Variants in ZNF503 observed in about 807,000 individuals in gnomAD.
ZNF503 encodes NocA-like zinc finger 2.
ZNF503 carries 15 observed loss-of-function variants against 34.4 expected under a neutral mutation model. The ratio of observed to expected loss-of-function variants is 0.44; its 90% CI spans 0.29 to 0.67. The LOEUF is 0.67. Ranked by LOEUF, ZNF503 falls within the 30% of genes least tolerant of loss-of-function variation. The pLI is 0.13. For synonymous variants in ZNF503, 580 were observed against 456.8 expected (o/e 1.27, Z -3.44); for missense variants, 1,007 against 926.8 (o/e 1.09, Z -1.12).
chr10:75,337,622 AG>A, the ZNF503 span, among the ~76,000 whole-genome samples: 91 of 150,750 alleles, frequency 6.0e-4, no homozygotes, highest in South Asian at 6.3e-4. Context: ...CGTCTCCAAA[AG>A]AAAAAAAAAT....
chr10:75,338,254 T>C, the ZNF503 span: 1 of 152,220 alleles, frequency 6.6e-6, no homozygotes, highest in African/African-American at 2.4e-5. Flanking sequence ...CTGCCCTCTT[T>C]CCCTCACTCT....
the ZNF503 span, among the ~76,000 whole-genome samples, chr10:75,368,147 G>A: frequency 2.6e-5 from 4 of 152,164 alleles, no homozygotes; most frequent in African/African-American, 9.7e-5. Flanking sequence ...GCTACCCACT[G>A]CCCTATCTAG....
At chr10:75,324,320 G>T in the ZNF503 span, among the ~76,000 whole-genome samples, 3 of 107,258 alleles carry the variant, frequency 2.8e-5, no homozygotes, top group East Asian at 2.5e-4. Context: ...TTGTTTGTTT[G>T]TTTTTCTGTT....
the ZNF503 span, among the ~76,000 whole-genome samples, chr10:75,373,090 C>T: frequency 2.6e-5 from 4 of 152,244 alleles, no homozygotes; most frequent in South Asian, 2.1e-4. Flanking sequence ...GCACAAGCTC[C>T]GCCCCTCTTC....
At chr10:75,310,987 A>G in the ZNF503 span, among the ~76,000 whole-genome samples, 1 of 152,236 alleles carries the variant, frequency 6.6e-6, no homozygotes, top group South Asian at 2.1e-4. Flanking sequence ...TAAAAAGACA[A>G]TTGTTTTAGC....
At chr10:75,289,673 C>A in the ZNF503 span, among the ~76,000 whole-genome samples, 1 of 152,072 alleles carries the variant, frequency 6.6e-6, no homozygotes, top group Admixed American at 6.5e-5. Context: ...GCAACCTCCG[C>A]CTCCCGAGTT....
chr10:75,349,059 T>A, the ZNF503 span, among the ~76,000 whole-genome samples: 1 of 152,190 alleles, frequency 6.6e-6, no homozygotes, highest in African/African-American at 2.4e-5. Context: ...TATGACACCT[T>A]ATTTCTAAAT....
the ZNF503 span, among the ~76,000 whole-genome samples, chr10:75,370,597 G>C: frequency 6.6e-6 from 1 of 151,828 alleles, no homozygotes; most frequent in Admixed American, 6.6e-5. Context: ...TGACCAACAT[G>C]GTGAAACCCT....
chr10:75,363,607 T>C, the ZNF503 span, among the ~76,000 whole-genome samples: 2 of 152,238 alleles, frequency 1.3e-5, no homozygotes, highest in African/African-American at 4.8e-5. Flanking sequence ...CCCAGGTCGC[T>C]GTGTACTCCA....
At chr10:75,292,271 A>G in the ZNF503 span, among the ~76,000 whole-genome samples, 1 of 152,232 alleles carries the variant, frequency 6.6e-6, no homozygotes, top group Non-Finnish European at 1.5e-5. Context: ...CTAAATTGAC[A>G]TGTTCCCTGA....
Position 75,401,357 on chromosome 10 carries a change from G to T in ZNF503, c.63C>A (p.Gly21=). 1 of 1,489,792 alleles carries T rather than the reference G, an allele frequency of 6.7e-7. No individual in the cohort carries two copies. The highest frequency in any genetic ancestry group is 9.0e-7 in the Non-Finnish European group (1 of 1,116,322). 92.3% of individuals were successfully genotyped at this position (1,489,792 alleles called of 1,614,324 possible). A position where few individuals can be genotyped will look rare whatever the true frequency, so the allele number is the denominator to read the frequency against. The part of the protein sequence containing the change: ...RSSKHSGGGG[G]GGGGGGADPA... ...GGTCTGCACCGCCGCCTCCGCCTCC[G>T]CCGCCGCCGCCGCCGCTGTGCTTAC... Residue 21 remains glycine, a synonymous_variant, in exon 1 of 2, where the codon GGC becomes GGA. Coordinates refer to ENST00000372524, the MANE Select transcript of ZNF503 (RefSeq NM_032772.6).
At chr10:75,295,540 T>G in the ZNF503 span, 1 of 152,208 alleles carries the variant, frequency 6.6e-6, no homozygotes, top group Non-Finnish European at 1.5e-5. This position sits in a 1 kb window ranked among gnomAD's most constrained non-coding sequence, Gnocchi z 4.0. Flanking sequence ...AGAAAAATGA[T>G]GTGCCGAACT....
chr10:75,352,576 A>G, the ZNF503 span, among the ~76,000 whole-genome samples: 1 of 152,190 alleles, frequency 6.6e-6, no homozygotes, highest in African/African-American at 2.4e-5. Context: ...TTCCCTATGT[A>G]TGAATGCGTG....
chr10:75,378,788 T>C, the ZNF503 span, among the ~76,000 whole-genome samples: 2 of 152,078 alleles, frequency 1.3e-5, no homozygotes, highest in Non-Finnish European at 2.9e-5. Context: ...GCTGAGTTGA[T>C]GGGGTGGACA....
the ZNF503 span, among the ~76,000 whole-genome samples, chr10:75,386,561 TG>T: frequency 6.6e-6 from 1 of 152,216 alleles, no homozygotes; most frequent in Non-Finnish European, 1.5e-5. Context: ...TTGCTTGTCC[TG>T]CAGCTTCTCC....
chr10:75,400,800 G>A (rs935853788), intron 1 of ZNF503, among the ~76,000 whole-genome samples: 1 of 152,212 alleles, frequency 6.6e-6, no homozygotes, highest in Admixed American at 6.5e-5. Flanking sequence ...CGGCGACTTT[G>A]GAACCGTATT....
At chr10:75,379,751 G>A in the ZNF503 span, among the ~76,000 whole-genome samples, 1 of 152,234 alleles carries the variant, frequency 6.6e-6, no homozygotes, top group Non-Finnish European at 1.5e-5. Context: ...TTTAGACAGT[G>A]AAGTCACTGT....
chr10:75,281,733 C>A, the ZNF503 span, among the ~76,000 whole-genome samples: 4 of 152,220 alleles, frequency 2.6e-5, no homozygotes, highest in African/African-American at 9.7e-5. Flanking sequence ...ACAGCTTGCT[C>A]TGGAGCTTAC....
At chr10:75,311,771 A>G in the ZNF503 span, among the ~76,000 whole-genome samples, 4 of 149,888 alleles carry the variant, frequency 2.7e-5, no homozygotes, top group Non-Finnish European at 5.9e-5. Context: ...TAAATTACCC[A>G]GTCTCAGGTT....
Sources: gnomAD v4.1 joint callset for allele counts (sites outside exome capture counted in the v4.1 genomes callset) on GRCh38, gnomAD v4.1.1 for gene constraint, Gnocchi (gnomAD v3.1) non-coding constraint, MANE v1.5 for transcripts, NCBI Gene and HGNC (gene_info 2026-07-23, HGNC 2026-07-21) for gene names.